THSD4: variants seen among roughly 807,000 people sequenced by gnomAD.
THSD4 encodes thrombospondin type-1 domain-containing protein 4.
Under a neutral mutation model 119.0 loss-of-function variants are expected in THSD4, and 69 were observed. The ratio of observed to expected loss-of-function variants is 0.58; its 90% CI spans 0.48 to 0.71. The LOEUF (loss-of-function observed/expected upper bound fraction) is 0.71. THSD4 is among the 30% of genes least tolerant of loss of function. The probability of loss-of-function intolerance (pLI) is 0.00; values close to 1 mark genes in which losing one functional copy is unlikely to be tolerated. For synonymous variants in THSD4, 524 were observed against 540.4 expected (o/e 0.97, Z 0.42); for missense variants, 1,393 against 1,391.1 (o/e 1.00, Z -0.02).
intron 8 of THSD4, among the ~76,000 whole-genome samples, chr15:71,679,528 G>T (rs1205074290): frequency 6.6e-6 from 1 of 152,224 alleles, no homozygotes; most frequent in Non-Finnish European, 1.5e-5. Context: ...TGGATGGATA[G>T]GCTTTTCTCA....
Position 71,512,522 on chromosome 15 carries a change from A to G in THSD4, c.1152+100699A>G, listed in dbSNP as rs144398654. Among the ~76,000 whole-genome samples, 372 of 152,344 alleles carry G rather than the reference A, an allele frequency of 2.4e-3. 5 individuals are homozygous for G. Among genetic ancestry groups the G allele is most frequent in the Middle Eastern group, 0.024 (7 of 294 alleles). ...AAATGATTATTTCTCCACAAGAGCA[A>G]AAGACCAGTGAAATCTGGGCTTAAG... On this transcript the variant is annotated intron_variant, in intron 7 of 17. Coordinates refer to ENST00000261862, the MANE Select transcript of THSD4 (RefSeq NM_024817.3).
At chr15:71,383,598 A>AT (rs1174883610) in intron 6 of THSD4, among the ~76,000 whole-genome samples, 5 of 152,068 alleles carry the variant, frequency 3.3e-5, no homozygotes, top group Admixed American at 6.6e-5. Flanking sequence ...ACGAATGTGG[A>AT]TTTTTTTTAA....
At chr15:71,168,974 TG>T (rs1195168926) in intron 3 of THSD4, among the ~76,000 whole-genome samples, 1 of 152,186 alleles carries the variant, frequency 6.6e-6, no homozygotes, top group Non-Finnish European at 1.5e-5. Context: ...GAGTCGAGGT[TG>T]TTTAAAAATT....
intron 1 of THSD4, among the ~76,000 whole-genome samples, chr15:71,134,363 A>G (rs1400609401): frequency 6.6e-6 from 1 of 152,192 alleles, no homozygotes; most frequent in Non-Finnish European, 1.5e-5. Flanking sequence ...AGAGCTCAGG[A>G]GGGTGGGACC....
Position 71,419,056 on chromosome 15 carries a change from T to C in THSD4, c.1152+7233T>C, listed in dbSNP as rs1047825553. ...GCTCTGATTTTATTTATTTGAGTCT[T>C]CTCTCTTTCTTAGTCTGGGTAAAGG... On this transcript the variant is annotated intron_variant, in intron 7 of 17. Coordinates refer to ENST00000261862, the MANE Select transcript of THSD4 (RefSeq NM_024817.3). 4.6e-5 allele frequency among the ~76,000 whole-genome samples: 5 copies of C among 108,446 alleles called. 2 individuals carry two copies. The highest frequency in any genetic ancestry group is 1.6e-4 in the African/African-American group (5 of 31,890). 71.1% of individuals were successfully genotyped at this position (108,446 alleles called of 152,430 possible).
chr15:71,748,392 T>C (rs551498261), intron 13 of THSD4, 29 bp from the exon 14 acceptor site: 1 of 1,611,930 alleles, frequency 6.2e-7, no homozygotes, highest in African/African-American at 1.3e-5. Context: ...AGCTGCTGGT[T>C]CCCCTGACGT....
At chr15:71,359,334 C>G (rs186592055) in intron 6 of THSD4, among the ~76,000 whole-genome samples, 1 of 152,354 alleles carries the variant, frequency 6.6e-6, no homozygotes, top group East Asian at 1.9e-4. Context: ...GATTCTCCCT[C>G]TATTGATATA....
chr15:71,180,369 A>T (rs1176457813), intron 3 of THSD4, among the ~76,000 whole-genome samples: 1 of 152,162 alleles, frequency 6.6e-6, no homozygotes, highest in Non-Finnish European at 1.5e-5. Flanking sequence ...GAAGATATGC[A>T]AATGTCCAAT....
intron 1 of THSD4, among the ~76,000 whole-genome samples, chr15:71,135,748 G>A (rs1396064248): frequency 6.6e-6 from 1 of 152,032 alleles, no homozygotes; most frequent in Non-Finnish European, 1.5e-5. Context: ...GGGGGTGGAG[G>A]GGACACTCCG....
intron 3 of THSD4, among the ~76,000 whole-genome samples, chr15:71,191,904 C>T (rs915906147): frequency 1.1e-4 from 15 of 142,464 alleles, no homozygotes; most frequent in Non-Finnish European, 1.9e-4. Flanking sequence ...TCTTCTTCTT[C>T]TTTTTTTTTT....
At chr15:71,267,984 GACTTAGACTCCCAC>G (rs1047595431) in intron 6 of THSD4, among the ~76,000 whole-genome samples, 8 of 152,226 alleles carry the variant, frequency 5.3e-5, no homozygotes, top group Non-Finnish European at 1.2e-4. Flanking sequence ...CCTACAAAGG[GACTTAGACTCCCAC>G]ACAATAATAG....
intron 7 of THSD4, among the ~76,000 whole-genome samples, chr15:71,423,438 C>T (rs1175705449): frequency 1.3e-5 from 2 of 152,154 alleles, no homozygotes; most frequent in Admixed American, 6.5e-5. Flanking sequence ...GGGTCCTTCC[C>T]TTCAAGGCAG....
chr15:71,097,393 C>T (rs902001482), intron 1 of THSD4, among the ~76,000 whole-genome samples: 1 of 151,824 alleles, frequency 6.6e-6, no homozygotes, highest in African/African-American at 2.4e-5. Context: ...GGTGAAACCC[C>T]GTCTCTACAA....
intron 6 of THSD4, among the ~76,000 whole-genome samples, chr15:71,372,059 A>G: frequency 6.6e-6 from 1 of 152,114 alleles, no homozygotes; most frequent in Non-Finnish European, 1.5e-5. Flanking sequence ...CCTTTCTTCC[A>G]GTTGATCGAA....
chr15:71,160,375 A>G (rs890146896), intron 3 of THSD4, among the ~76,000 whole-genome samples: 1 of 151,536 alleles, frequency 6.6e-6, no homozygotes, highest in Non-Finnish European at 1.5e-5. Context: ...TTTCTGGAAT[A>G]GTTTGAAGAG....
rs776055328 is a variant in THSD4, at chr15:71,748,561, C to T, written c.2382C>T (p.Ala794=). ...AGAACTGCGACATGGGACCCTGTGC[C>T]AAGAGCTGGTTCCTCACCGAGTGGA... ...DIENCDMGPC[A]KSWFLTEWSE... The change falls in exon 14 of 18, where the codon GCC becomes GCT. Residue 794 remains alanine, a synonymous_variant. Coordinates refer to ENST00000261862, the MANE Select transcript of THSD4 (RefSeq NM_024817.3). The T allele has an allele frequency of 1.3e-5, 21 of 1,614,056 alleles. No individual in the cohort carries two copies. Among genetic ancestry groups the T allele is most frequent in the African/African-American group, 2.7e-5 (2 of 74,916 alleles).
At chr15:71,647,997 T>G (rs1265257642) in intron 7 of THSD4, among the ~76,000 whole-genome samples, 20 of 152,116 alleles carry the variant, frequency 1.3e-4, no homozygotes, top group Admixed American at 1.3e-3. Context: ...TGGTCAGTCA[T>G]CTACCAGGCC....
At chr15:71,436,031 A>G (rs1470174983) in intron 7 of THSD4, among the ~76,000 whole-genome samples, 1 of 152,220 alleles carries the variant, frequency 6.6e-6, no homozygotes, top group Non-Finnish European at 1.5e-5. Flanking sequence ...GCAGAGACCA[A>G]GGGAGAATGC....
At chr15:71,608,026 A>G (rs2050142138) in intron 7 of THSD4, among the ~76,000 whole-genome samples, 1 of 152,052 alleles carries the variant, frequency 6.6e-6, no homozygotes, top group South Asian at 2.1e-4. Context: ...GTTCAAGATG[A>G]GCCTGGCCAA....
Sources: gnomAD v4.1 joint callset for allele counts (sites outside exome capture counted in the v4.1 genomes callset) on GRCh38, gnomAD v4.1.1 for gene constraint, MANE v1.5 for transcripts, NCBI Gene and HGNC (gene_info 2026-07-23, HGNC 2026-07-21) for gene names.